Variants in ABHD10 observed in about 807,000 individuals in gnomAD.
ABHD10 encodes palmitoyl-protein thioesterase ABHD10, mitochondrial.
A neutral mutation model predicts 33.1 loss-of-function variants in ABHD10; 22 were observed. The observed-to-expected ratio is 0.66, with a 90% CI of 0.47 to 0.95. ABHD10 has a LOEUF of 0.95. Among genes scored for constraint, ABHD10 ranks in the 40% least tolerant of loss-of-function variants. The pLI, the probability that ABHD10 is intolerant of heterozygous loss-of-function variation, is 0.00. For synonymous variants in ABHD10, 146 were observed against 133.9 expected, an observed-to-expected ratio of 1.09 and a Z score of -0.62; for missense variants, 352 against 379.9, an observed-to-expected ratio of 0.93 and a Z score of 0.61.
At position 111,986,299 on chromosome 3, in the gene ABHD10, A is replaced by G. The variant is rs2072660586; in HGVS notation, c.362A>G (p.Asn121Ser). ...DYSGVGSSDGNSEESTLGKWR... is the reference protein window; with the variant it reads ...DYSGVGSSDGSSEESTLGKWR... ...TCAGGAGTTGGAAGTTCAGATGGTA[A>G]CTCAGAGGAAAGCACACTGGGGAAA... The change falls in exon 3 of 5, where the codon AAC (asparagine) becomes AGC (serine). Residue 121 changes from asparagine to serine, a missense_variant. By Grantham distance (46) the Asn-to-Ser change is conservative. Coordinates refer to ENST00000273359, the MANE Select transcript of ABHD10 (RefSeq NM_018394.4). 2.5e-6 allele frequency: 4 copies of G among 1,613,988 alleles called. No individual in the cohort carries two copies. The highest frequency in any genetic ancestry group is 3.4e-6 in the Non-Finnish European group (4 of 1,179,928).
Position 111,991,550 on chromosome 3 carries a change from CATT to C in ABHD10, c.751_753del (p.Ile251del). 6.2e-7 allele frequency: 1 copy of C among 1,614,118 alleles called. No homozygotes were observed. The highest frequency in any genetic ancestry group is 8.5e-7 in the Non-Finnish European group (1 of 1,179,992). ...GATTGCTCCATGGCATGAAGGATGA[CATT>C]GTACCTTGGCATACATCAATGCAGG... is the stretch of plus-strand genomic sequence containing the variant. On this transcript the variant is annotated inframe_deletion, in exon 5 of 5. Coordinates refer to ENST00000273359, the MANE Select transcript of ABHD10 (RefSeq NM_018394.4).
In ABHD10 at chr3:111,981,836, C is replaced by T; in HGVS notation, c.195C>T (p.Asn65=). ...TCCTTAATCGACCAGACCTTCCAAA[C>T]CTGGCTTATAAGAAGCTAAAAGGCA... ...LSFLNRPDLP[N]LAYKKLKGKS... is the part of the protein sequence containing the mutation. The change falls in exon 2 of 5, where the codon AAC becomes AAT. Residue 65 remains asparagine, a synonymous_variant. Coordinates refer to ENST00000273359, the MANE Select transcript of ABHD10 (RefSeq NM_018394.4). 6 of 1,604,456 alleles carry T rather than the reference C, an allele frequency of 3.7e-6. No individual in the cohort carries two copies. The highest frequency in any genetic ancestry group is 1.1e-5 in the South Asian group (1 of 89,718).
At chr3:111,986,457 A>G (rs2072663112) in intron 3 of ABHD10, 82 bp downstream of exon 3, 3 of 853,378 alleles carry the variant, frequency 3.5e-6, no homozygotes, top group East Asian at 2.8e-5. Context: ...GTTTTTTGAG[A>G]TGGAGTCTCG....
At position 111,979,152 on chromosome 3, in the gene ABHD10, C is replaced by A; in HGVS notation, c.91C>A (p.Leu31Ile). ...AAVPFGPHRGLSVLLARIPQR... is the reference protein window; with the variant it reads ...AAVPFGPHRGISVLLARIPQR... Reference sequence around the variant, plus strand: ...CGTCCCCTTCGGTCCCCACCGTGGCCTCAGCGTGCTGCTTGCACGGATACC... The same window carrying A: ...CGTCCCCTTCGGTCCCCACCGTGGCATCAGCGTGCTGCTTGCACGGATACC... Residue 31 changes from leucine (L) to isoleucine (I), a missense_variant, in exon 1 of 5, where the codon CTC becomes ATC. Leu to Ile is a conservative substitution (Grantham distance 5). Transcript: ENST00000273359. 1 of 1,612,912 alleles carries A rather than the reference C, an allele frequency of 6.2e-7. No individual in the cohort carries two copies. Among genetic ancestry groups the A allele is most frequent in the South Asian group, 1.1e-5 (1 of 91,048 alleles).
intron 1 of ABHD10, 53 bp downstream of exon 1, chr3:111,979,256 C>G: frequency 1.3e-6 from 2 of 1,541,846 alleles, no homozygotes; most frequent in Non-Finnish European, 1.8e-6. Flanking sequence ...GCCTCGGGTT[C>G]CGTCAGTTAC....
intron 2 of ABHD10, among the ~76,000 whole-genome samples, chr3:111,984,153 CCTT>C (rs1332256047): frequency 6.6e-6 from 1 of 152,258 alleles, no homozygotes; most frequent in East Asian, 1.9e-4. Flanking sequence ...TGTCTTTCCC[CCTT>C]TTTTCTTCCA....
intron 1 of ABHD10, among the ~76,000 whole-genome samples, chr3:111,980,507 C>T (rs2072569572): frequency 1.3e-5 from 2 of 151,834 alleles, no homozygotes; most frequent in African/African-American, 2.4e-5. Context: ...ATGTATTAGT[C>T]CAAAGACTCT....
chr3:111,991,404 G>T lies in ABHD10; in HGVS notation c.604G>T (p.Val202Leu). The change falls in exon 5 of 5, where the codon GTG becomes TTG. Residue 202 changes from valine (V) to leucine (L), a missense_variant. Transcript: ENST00000273359. Reference protein sequence around the residue: ...ELKKEVEMKGVWSMPSKYSEE... With the variant: ...ELKKEVEMKGLWSMPSKYSEE... Reference sequence around the variant, plus strand: ...AAAAAAGGAAGTAGAGATGAAAGGTGTGTGGAGCATGCCATCAAAATACTC... The same window carrying T: ...AAAAAAGGAAGTAGAGATGAAAGGTTTGTGGAGCATGCCATCAAAATACTC... The T allele has an allele frequency of 6.2e-7, 1 of 1,612,132 alleles. No homozygotes were observed. Among genetic ancestry groups the T allele is most frequent in the South Asian group, 1.1e-5 (1 of 90,628 alleles).
chr3:111,991,251 G>T, intron 4 of ABHD10, 126 bp from the exon 5 acceptor site: 2 of 726,538 alleles, frequency 2.8e-6, no homozygotes, highest in Non-Finnish European at 2.2e-6. Flanking sequence ...AATTATTATT[G>T]TTATACTTTT....
intron 1 of ABHD10, among the ~76,000 whole-genome samples, chr3:111,980,041 C>T (rs549509133): frequency 2.6e-5 from 4 of 152,326 alleles, no homozygotes; most frequent in Non-Finnish European, 5.9e-5. Flanking sequence ...ATTATTTCAT[C>T]TAGTTAGCAC....
Position 111,992,808 on chromosome 3 carries a change from C to G in ABHD10, c.*1087C>G, listed in dbSNP as rs566669010. 1 of 152,070 alleles carries G rather than the reference C, an allele frequency of 6.6e-6. No homozygotes were observed. Among genetic ancestry groups the G allele is most frequent in the Non-Finnish European group, 1.5e-5 (1 of 68,012 alleles). The allele number at this position is 152,070 out of a possible 1,614,324, so 9.4% of individuals were successfully genotyped here. ...AATGAGGAAACCAGCAGATAGTAAA[C>G]CTGGTTCAAAGTACAATTCAAGAAA... On this transcript the variant is annotated 3_prime_UTR_variant, in exon 5 of 5. Transcript: ENST00000273359.
intron 1 of ABHD10, among the ~76,000 whole-genome samples, chr3:111,980,388 C>T (rs1343301097): frequency 6.6e-6 from 1 of 152,156 alleles, no homozygotes; most frequent in Admixed American, 6.5e-5. Flanking sequence ...AAAAAATCAA[C>T]TTCTTAATTA....
chr3:111,985,286 A>AT (rs1190926928), intron 2 of ABHD10, among the ~76,000 whole-genome samples: 3 of 152,116 alleles, frequency 2.0e-5, no homozygotes, highest in East Asian at 3.9e-4. Flanking sequence ...TACCACCATG[A>AT]TTTTTTATTG....
At chr3:111,989,169 A>G (rs2072710910) in intron 4 of ABHD10, among the ~76,000 whole-genome samples, 1 of 152,210 alleles carries the variant, frequency 6.6e-6, no homozygotes, top group South Asian at 2.1e-4. Context: ...ACTATCTTTT[A>G]TAACCCTGGG....
At chr3:111,979,283 G>A in intron 1 of ABHD10, 80 bp downstream of exon 1, 1 of 1,454,224 alleles carries the variant, frequency 6.9e-7, no homozygotes. Flanking sequence ...TGTGCAGTGC[G>A]TCTTTGGCGC....
chr3:111,990,721 A>G, intron 4 of ABHD10: 1 of 1,428,826 alleles, frequency 7.0e-7, no homozygotes, highest in Non-Finnish European at 9.3e-7. Flanking sequence ...GAAAAACTAT[A>G]TTTCTTTACA....
intron 3 of ABHD10, 82 bp from the exon 4 acceptor site, chr3:111,986,831 AT>A (rs1420937044): frequency 3.0e-6 from 3 of 1,014,266 alleles, no homozygotes; most frequent in Admixed American, 6.8e-5. Context: ...TTACTTTCTA[AT>A]TTTTTATTGT....
chr3:111,984,141 GGT>G (rs1459506680), intron 2 of ABHD10, among the ~76,000 whole-genome samples: 1 of 151,982 alleles, frequency 6.6e-6, no homozygotes, highest in African/African-American at 2.4e-5. Flanking sequence ...AAAATTAGTT[GGT>G]GTCTTTCCCC....
Position 111,991,364 on chromosome 3 carries a change from C to A in ABHD10, c.577-13C>A. On this transcript the variant is annotated splice_polypyrimidine_tract_variant and intron_variant, in intron 4 of 4. Coordinates refer to ENST00000273359, the MANE Select transcript of ABHD10 (RefSeq NM_018394.4). ...GTCACAAATACTTTTATTTTTCTTT[C>A]TTTTTCCAATAGCTAAAAAAGGAAG... is the stretch of plus-strand genomic sequence containing the variant. 1.3e-6 allele frequency: 2 copies of A among 1,584,370 alleles called. No individual in the cohort carries two copies. Among genetic ancestry groups the A allele is most frequent in the Admixed American group, 2.0e-5 (1 of 50,106 alleles).
Sources: gnomAD v4.1 joint callset for allele counts (sites outside exome capture counted in the v4.1 genomes callset) on GRCh38, gnomAD v4.1.1 for gene constraint, MANE v1.5 for transcripts, NCBI Gene and HGNC (gene_info 2026-07-23, HGNC 2026-07-21) for gene names.